CNBD1: variants seen among roughly 807,000 people sequenced by gnomAD.
CNBD1 encodes the protein cyclic nucleotide-binding domain-containing protein 1.
A neutral mutation model predicts 54.4 loss-of-function variants in CNBD1; 71 were observed. The observed-to-expected ratio is 1.30, with a 90% CI of 1.08 to 1.59. The LOEUF is 1.59. Ranked by LOEUF, CNBD1 falls within the 40% of genes most tolerant of loss-of-function variation. CNBD1 has a pLI of 0.00. For synonymous variants in CNBD1, 182 were observed against 170.7 expected (o/e 1.07, Z -0.51); for missense variants, 659 against 518.0 (o/e 1.27, Z -2.64).
At chr8:86,915,575 C>T (rs548278473) in intron 3 of CNBD1, among the ~76,000 whole-genome samples, 2 of 152,304 alleles carry the variant, frequency 1.3e-5, no homozygotes, top group Non-Finnish European at 2.9e-5. Flanking sequence ...AGGCCAAAGG[C>T]AAGATGAGTG....
At chr8:87,180,184 A>G (rs773887403) in intron 4 of CNBD1, among the ~76,000 whole-genome samples, 3 of 152,204 alleles carry the variant, frequency 2.0e-5, no homozygotes, top group Non-Finnish European at 2.9e-5. Flanking sequence ...CATGATTACT[A>G]TATTTCCTGC....
At chr8:87,186,649 T>G (rs1393035388) in intron 4 of CNBD1, among the ~76,000 whole-genome samples, 1 of 152,038 alleles carries the variant, frequency 6.6e-6, no homozygotes, top group Non-Finnish European at 1.5e-5. Flanking sequence ...ATGTACCTAC[T>G]TATAATTTAT....
chr8:87,234,776 G>A (rs1263382211), intron 5 of CNBD1, among the ~76,000 whole-genome samples: 1 of 152,108 alleles, frequency 6.6e-6, no homozygotes, highest in Non-Finnish European at 1.5e-5. Flanking sequence ...TGACCTGCAT[G>A]TCACCATCAC....
At chr8:87,028,032 GACACAC>G (rs370463787) in intron 4 of CNBD1, among the ~76,000 whole-genome samples, 1 of 150,696 alleles carries the variant, frequency 6.6e-6, no homozygotes. Context: ...CACTTCCCTG[GACACAC>G]ACACACACAC....
At chr8:87,243,210 G>A (rs1401038585) in intron 6 of CNBD1, among the ~76,000 whole-genome samples, 1 of 152,182 alleles carries the variant, frequency 6.6e-6, no homozygotes, top group Non-Finnish European at 1.5e-5. Context: ...AATTCAGAAG[G>A]CATTGATAAA....
In CNBD1 at chr8:86,940,415, C is replaced by A. The variant is rs185002722; in HGVS notation, c.431+661C>A. Among the ~76,000 whole-genome samples, 774 of 152,208 alleles carry A rather than the reference C, an allele frequency of 5.1e-3. 11 individuals are homozygous for A. Among genetic ancestry groups the A allele is most frequent in the African/African-American group, 0.018 (736 of 41,524 alleles). On this transcript the variant is annotated intron_variant, in intron 4 of 10. Transcript: ENST00000518476. The stretch of plus-strand genomic sequence containing the variant: ...CTCCTGACCTCAGGTGATCTGCCTG[C>A]CTCGGCCTCCCTCGGCCTGGGATTA...
chr8:86,935,384 G>A (rs1026493013), intron 3 of CNBD1, among the ~76,000 whole-genome samples: 3 of 152,084 alleles, frequency 2.0e-5, no homozygotes, highest in Non-Finnish European at 4.4e-5. Flanking sequence ...GGACCATTTT[G>A]ACAAGGAGTT....
chr8:87,422,810 G>T (rs1290024232), intron 2 of CNBD1, among the ~76,000 whole-genome samples: 1 of 152,288 alleles, frequency 6.6e-6, no homozygotes, highest in Non-Finnish European at 1.5e-5. Context: ...ATTCTGTGAA[G>T]AAAGGCATTG....
chr8:87,320,397 T>A (rs571087752), intron 8 of CNBD1, among the ~76,000 whole-genome samples: 1 of 152,248 alleles, frequency 6.6e-6, no homozygotes, highest in Admixed American at 6.5e-5. Flanking sequence ...TCAATACCTT[T>A]ATAAAAATTG....
At chr8:87,172,334 G>T (rs1813105877) in intron 4 of CNBD1, among the ~76,000 whole-genome samples, 1 of 152,054 alleles carries the variant, frequency 6.6e-6, no homozygotes, top group African/African-American at 2.4e-5. Context: ...GGTAAAGAAT[G>T]TTTATTCTAC....
At chr8:87,405,141 C>T (rs1347225288) in intron 2 of CNBD1, among the ~76,000 whole-genome samples, 1 of 151,886 alleles carries the variant, frequency 6.6e-6, no homozygotes, top group South Asian at 2.1e-4. Flanking sequence ...TATACTCAAC[C>T]ATTGTTACAA....
rs187783963 is a variant in CNBD1 at position 87,275,434 on chromosome 8, A to G, written c.772-9244A>G. On this transcript the variant is annotated intron_variant, in intron 6 of 10. Transcript: ENST00000518476. ...ATGGAATGTTCTTCCATTTGTTTGT[A>G]TCCGCTTTTATTTCATTGAGCAGTG... Among the ~76,000 whole-genome samples the G allele has an allele frequency of 3.0e-3, 461 of 152,022 alleles. 1 individual carries two copies. Among genetic ancestry groups the G allele is most frequent in the Admixed American group, 5.8e-3 (89 of 15,214 alleles).
At chr8:87,200,551 T>A (rs1364542641) in intron 4 of CNBD1, among the ~76,000 whole-genome samples, 1 of 151,992 alleles carries the variant, frequency 6.6e-6, no homozygotes, top group Non-Finnish European at 1.5e-5. Context: ...AAGACTCAAA[T>A]GACTAAAATG....
At chr8:87,241,267 G>GTTTTTTTTTTTTTTTT (rs1363864078) in intron 6 of CNBD1, among the ~76,000 whole-genome samples, 1 of 116,656 alleles carries the variant, frequency 8.6e-6, no homozygotes, top group African/African-American at 4.1e-5. Flanking sequence ...GTATTTGGAA[G>GTTTTTTTTTTTTTTTT]ATTTTTTTTT....
intron 4 of CNBD1, among the ~76,000 whole-genome samples, chr8:86,963,897 C>G (rs560143459): frequency 1.3e-5 from 2 of 152,284 alleles, no homozygotes; most frequent in African/African-American, 4.8e-5. Flanking sequence ...CTGGACCTTG[C>G]CACCCATGTC....
intron 4 of CNBD1, among the ~76,000 whole-genome samples, chr8:87,146,935 T>C (rs930010251): frequency 1.3e-5 from 2 of 152,126 alleles, no homozygotes; most frequent in Non-Finnish European, 2.9e-5. Flanking sequence ...TCAAATTATG[T>C]TCATTATCTG....
At chr8:86,919,617 A>AGTTGTGGTTT (rs1809240322) in intron 3 of CNBD1, among the ~76,000 whole-genome samples, 1 of 152,192 alleles carries the variant, frequency 6.6e-6, no homozygotes, top group South Asian at 2.1e-4. Flanking sequence ...CACAAAGTTA[A>AGTTGTGGTTT]GTTGTGGTTT....
chr8:87,222,896 G>A (rs1296657238), intron 5 of CNBD1, among the ~76,000 whole-genome samples: 1 of 151,936 alleles, frequency 6.6e-6, no homozygotes, highest in African/African-American at 2.4e-5. Flanking sequence ...TCATGAGAAT[G>A]GTTCTTTGAT....
intron 6 of CNBD1, 51 bp downstream of exon 6, chr8:87,237,163 T>G: frequency 8.5e-7 from 1 of 1,180,804 alleles, no homozygotes; most frequent in Non-Finnish European, 1.2e-6. Flanking sequence ...AACGGGCTTT[T>G]GTAAAACTTT....
Sources: gnomAD v4.1 joint callset for allele counts (sites outside exome capture counted in the v4.1 genomes callset) on GRCh38, gnomAD v4.1.1 for gene constraint, MANE v1.5 for transcripts, NCBI Gene and HGNC (gene_info 2026-07-23, HGNC 2026-07-21) for gene names.